ERICH1: variants seen among roughly 807,000 people sequenced by gnomAD.
The protein encoded by ERICH1 is glutamate-rich protein 1.
ERICH1 carries 56 observed loss-of-function variants against 39.6 expected under a neutral mutation model. That is an observed-to-expected ratio of 1.41 (90% confidence interval 1.14 to 1.77). The LOEUF (loss-of-function observed/expected upper bound fraction) is 1.77, where lower values mean the gene tolerates loss of function less well. Ranked by LOEUF, ERICH1 falls within the 40% of genes most tolerant of loss-of-function variation. ERICH1 has a pLI of 0.00. For missense variants in ERICH1, 826 were observed against 575.4 expected (o/e 1.44, Z -4.45); for synonymous variants, 313 against 223.6 (o/e 1.40, Z -3.57).
intron 3 of ERICH1, among the ~76,000 whole-genome samples, chr8:657,639 T>C (rs992072629): frequency 1.3e-4 from 19 of 151,328 alleles, no homozygotes; most frequent in East Asian, 5.8e-4. Flanking sequence ...CTGGATTTTG[T>C]ACAGGGGCTT....
downstream of ERICH1, among the ~76,000 whole-genome samples, chr8:663,140 CCT>C (rs1229035385): frequency 1.3e-5 from 2 of 152,234 alleles, no homozygotes; most frequent in Non-Finnish European, 2.9e-5. Flanking sequence ...CAGAAACATC[CCT>C]GTTTCACCTG....
At chr8:708,698 T>G (rs1229330112) in intron 2 of ERICH1, among the ~76,000 whole-genome samples, 3 of 139,770 alleles carry the variant, frequency 2.1e-5, no homozygotes, top group East Asian at 2.1e-4. Flanking sequence ...TTTTTTTTTT[T>G]TTTTTTTTTT....
At chr8:643,036 G>A (rs1799194470) in intron 3 of ERICH1, among the ~76,000 whole-genome samples, 1 of 152,136 alleles carries the variant, frequency 6.6e-6, no homozygotes, top group African/African-American at 2.4e-5. Flanking sequence ...GTTGCTACTG[G>A]AAGAGTCCTG....
Position 693,580 on chromosome 8 carries a change from C to A in ERICH1, c.170-968G>T, listed in dbSNP as rs577119226. Among the ~76,000 whole-genome samples, 19 of 151,828 alleles carry A rather than the reference C, an allele frequency of 1.3e-4. No homozygotes were observed. In the South Asian group the frequency reaches 3.9e-3, roughly 31 times the overall value. On this transcript the variant is annotated intron_variant, in intron 2 of 5. Transcript: ENST00000262109. ...CCACCGTGGACAGCTGCTGGGACCT[C>A]CCTGCTGTGTGCCCCTCTGCATACG...
intron 1 of ERICH1, among the ~76,000 whole-genome samples, chr8:728,954 G>C (rs770959518): frequency 6.6e-6 from 1 of 152,036 alleles, no homozygotes; most frequent in Non-Finnish European, 1.5e-5. Flanking sequence ...TCACTGTTTA[G>C]CCTGACTGCC....
At chr8:664,765 C>A (rs1585120001) in intron 5 of ERICH1, 89 bp from the exon 6 acceptor site, 1 of 1,077,862 alleles carries the variant, frequency 9.3e-7, no homozygotes, top group African/African-American at 1.6e-5. Context: ...AGCCTTTGGG[C>A]CCAAAGTGAA....
chr8:683,823 G>A (rs544725583), intron 3 of ERICH1, among the ~76,000 whole-genome samples: 39 of 152,306 alleles, frequency 2.6e-4, no homozygotes, highest in African/African-American at 8.4e-4. Context: ...TAAGCTAAAC[G>A]TCTGCCTTCT....
In ERICH1 at chr8:649,803, CG is replaced by C. The variant is rs1239270785; in HGVS notation, c.976+18794del. Reference sequence around the variant, plus strand: ...AGACAGAGCAGCCGCACAGGGCGGACGGCGTATCAGAGCAGGTGAGCTGACA... The same window carrying C: ...AGACAGAGCAGCCGCACAGGGCGGACGCGTATCAGAGCAGGTGAGCTGACA... On this transcript the variant is annotated intron_variant, in intron 3 of 3. Transcript: ENST00000522706. Among the ~76,000 whole-genome samples, 9 of 152,288 alleles carry C rather than the reference CG, an allele frequency of 5.9e-5. No individual in the cohort carries two copies. In the South Asian group the frequency reaches 1.2e-3, roughly 21 times the overall value.
chr8:730,982 C>A (rs1053227276), intron 1 of ERICH1, among the ~76,000 whole-genome samples, 158 bp downstream of exon 1: 1 of 122,336 alleles, frequency 8.2e-6, no homozygotes, highest in Non-Finnish European at 1.7e-5. Flanking sequence ...GGGGTAAGAG[C>A]GGGGGATGGG....
At chr8:639,344 T>A (rs1030481257) in intron 3 of ERICH1, among the ~76,000 whole-genome samples, 1 of 152,180 alleles carries the variant, frequency 6.6e-6, no homozygotes, top group Non-Finnish European at 1.5e-5. Context: ...AGGCTGCATA[T>A]CAAGGTATAC....
chr8:674,250 G>C (rs537744668), intron 3 of ERICH1, among the ~76,000 whole-genome samples: 1 of 149,270 alleles, frequency 6.7e-6, no homozygotes, highest in South Asian at 2.1e-4. Flanking sequence ...TCACAGATGC[G>C]ACAATCATAA....
chr8:671,260 T>G (rs13269521), intron 4 of ERICH1, among the ~76,000 whole-genome samples: 1 of 121,552 alleles, frequency 8.2e-6, no homozygotes, highest in Non-Finnish European at 1.7e-5. Context: ...CGCTGGCCCC[T>G]GCTCCGACCA....
chr8:621,390 A>C (rs1797271971), intron 3 of ERICH1, among the ~76,000 whole-genome samples: 1 of 152,146 alleles, frequency 6.6e-6, no homozygotes, highest in African/African-American at 2.4e-5. Flanking sequence ...TAAGTGTGTG[A>C]TGTGATGGAT....
chr8:627,568 G>T (rs1266990104), intron 3 of ERICH1, among the ~76,000 whole-genome samples: 1 of 152,344 alleles, frequency 6.6e-6, no homozygotes, highest in East Asian at 1.9e-4. Context: ...CATGTGGCCA[G>T]GGGGTAAGAA....
At chr8:625,994 C>T (rs1212487783) in intron 3 of ERICH1, 1 of 152,158 alleles carries the variant, frequency 6.6e-6, no homozygotes, top group East Asian at 1.9e-4. Context: ...ATTTTTATTC[C>T]ATTTTCATCC....
chr8:729,393 C>A (rs1290249769), intron 1 of ERICH1, among the ~76,000 whole-genome samples: 1 of 152,224 alleles, frequency 6.6e-6, no homozygotes, highest in Non-Finnish European at 1.5e-5. Context: ...ATCCCCTCCT[C>A]CTGCGGCACC....
At position 664,467 on chromosome 8, in the gene ERICH1, C is replaced by G. The variant is rs1383179591; in HGVS notation, c.*136G>C. The G allele has an allele frequency of 3.1e-6, 4 of 1,280,506 alleles. No homozygotes were observed. Among genetic ancestry groups the G allele is most frequent in the Non-Finnish European group, 4.0e-6 (4 of 1,011,158 alleles). 79.3% of individuals were successfully genotyped at this position (1,280,506 alleles called of 1,614,324 possible). ...AAGCCTCAGATGGCATCTTGCCCAC[C>G]AGGAACAAACACGTGAATAAATAAT... is the stretch of plus-strand genomic sequence containing the variant. On this transcript the variant is annotated 3_prime_UTR_variant, in exon 6 of 6. Coordinates refer to ENST00000262109, the MANE Select transcript of ERICH1 (RefSeq NM_207332.3).
intron 1 of ERICH1, among the ~76,000 whole-genome samples, chr8:719,487 C>A (rs370843900): frequency 6.6e-6 from 1 of 152,238 alleles, no homozygotes; most frequent in Non-Finnish European, 1.5e-5. Context: ...CGCCCGCGGT[C>A]GCCCGCAGGT....
chr8:684,919 G>C (rs1292606449), intron 3 of ERICH1, among the ~76,000 whole-genome samples: 1 of 152,150 alleles, frequency 6.6e-6, no homozygotes, highest in Non-Finnish European at 1.5e-5. Flanking sequence ...CAAATGAGCA[G>C]GGCAAGGTCA....
Sources: allele counts gnomAD v4.1 joint callset (sites outside exome capture counted in the v4.1 genomes callset), GRCh38; gene constraint gnomAD v4.1.1; transcripts MANE v1.5; gene names NCBI Gene and HGNC (gene_info 2026-07-23, HGNC 2026-07-21).